The following VAV2 variants were observed in gnomAD, a reference collection of about 807,000 sequenced individuals.
VAV2 encodes the protein vav guanine nucleotide exchange factor 2, also known as guanine nucleotide exchange factor VAV2.
Under a neutral mutation model 132.5 loss-of-function variants are expected in VAV2, and 67 were observed. The observed-to-expected ratio is 0.51, with a 90% CI of 0.42 to 0.62. The LOEUF (loss-of-function observed/expected upper bound fraction) is 0.62, where lower values mean the gene tolerates loss of function less well. Among genes scored for constraint, VAV2 ranks in the 20% least tolerant of loss-of-function variants. The probability of loss-of-function intolerance (pLI) is 0.00; values close to 1 mark genes in which losing one functional copy is unlikely to be tolerated. For synonymous variants in VAV2, 492 were observed against 443.5 expected, an observed-to-expected ratio of 1.11 and a Z score of -1.37; for missense variants, 938 against 1,153.6, an observed-to-expected ratio of 0.81 and a Z score of 2.71.
intron 29 of VAV2, among the ~76,000 whole-genome samples, chr9:133,766,451 T>A (rs1833434447): frequency 6.6e-6 from 1 of 152,076 alleles, no homozygotes; most frequent in East Asian, 1.9e-4. Context: ...CCATAAAAAA[T>A]GATGAGTTCA....
intron 2 of VAV2, among the ~76,000 whole-genome samples, chr9:133,864,321 C>T (rs868564879): frequency 1.4e-4 from 21 of 152,334 alleles, no homozygotes; most frequent in African/African-American, 5.1e-4. Context: ...TGCTGGGGAG[C>T]CCACCTGCAC....
At chr9:133,974,339 GA>G (rs1299461542) in intron 1 of VAV2, among the ~76,000 whole-genome samples, 1 of 152,180 alleles carries the variant, frequency 6.6e-6, no homozygotes, top group Non-Finnish European at 1.5e-5. Context: ...GGTGGTCCCA[GA>G]ACGGCCCACA....
chr9:133,924,788 T>C (rs1031014724), intron 2 of VAV2, among the ~76,000 whole-genome samples: 3 of 152,258 alleles, frequency 2.0e-5, no homozygotes, highest in African/African-American at 7.2e-5. Context: ...ACCATGAATA[T>C]TCACAGGAGC....
chr9:133,937,725 C>T (rs1840978462), intron 2 of VAV2, among the ~76,000 whole-genome samples: 1 of 152,120 alleles, frequency 6.6e-6, no homozygotes, highest in Admixed American at 6.5e-5. Context: ...AAGAAACAGG[C>T]CCAGGCCATT....
chr9:133,918,350 G>A lies in VAV2; in HGVS notation c.321+20753C>T, dbSNP rs1464727899. On this transcript the variant is annotated intron_variant, in intron 2 of 29. Coordinates refer to ENST00000371850, the MANE Select transcript of VAV2 (RefSeq NM_001134398.2). The surrounding 1 kb of genome is among the most constrained non-coding windows in gnomAD (Gnocchi z 4.7). The stretch of plus-strand genomic sequence containing the variant: ...TCCGAGCCTTGTGTCTGCATTTCCC[G>A]CACTTTCATCTGCTGGTCCGGACCC... Among the ~76,000 whole-genome samples, 4 of 147,064 alleles carry A rather than the reference G, an allele frequency of 2.7e-5. No individual in the cohort carries two copies. Among genetic ancestry groups the A allele is most frequent in the Non-Finnish European group, 4.4e-5 (3 of 67,724 alleles).
Position 133,788,242 on chromosome 9 carries a change from C to CCCCCA in VAV2, c.1407+111_1407+112insTGGGG. The CCCCCA allele has an allele frequency of 8.6e-6, 10 of 1,165,374 alleles. No individual in the cohort carries two copies. The highest frequency in any genetic ancestry group is 1.2e-5 in the Non-Finnish European group (10 of 827,212). The allele number at this position is 1,165,374 out of a possible 1,614,324, so 72.2% of individuals were successfully genotyped here. A position where few individuals can be genotyped will look rare whatever the true frequency, so the allele number is the denominator to read the frequency against. On this transcript the variant is annotated intron_variant, in intron 15 of 29. Coordinates refer to ENST00000371850, the MANE Select transcript of VAV2 (RefSeq NM_001134398.2). The surrounding 1 kb of genome is among the most constrained non-coding windows in gnomAD (Gnocchi z 5.3). The stretch of plus-strand genomic sequence containing the variant: ...GAGACGCCCACCCCAACCCACCCGG[C>CCCCCA]CAGCATCAGCGGCTGACTTCGAGTC...
At chr9:133,960,872 C>G (rs1408083332) in intron 1 of VAV2, among the ~76,000 whole-genome samples, 4 of 152,202 alleles carry the variant, frequency 2.6e-5, no homozygotes, top group African/African-American at 9.6e-5. Context: ...CCAGGCTCCC[C>G]GGGGACAGAG....
In VAV2 at chr9:133,823,902, C is replaced by T. The variant is rs745661572; in HGVS notation, c.449+10370G>A. 1.3e-5 allele frequency among the ~76,000 whole-genome samples: 2 copies of T among 152,140 alleles called. No individual in the cohort carries two copies. Among genetic ancestry groups the T allele is most frequent in the East Asian group, 1.9e-4 (1 of 5,182 alleles). ...GAATGCGGAGCGGGCAGGGTGGTCA[C>T]GCGCACCTGCTCTGCGTGCGTCAGA... On this transcript the variant is annotated intron_variant, in intron 4 of 29. Transcript: ENST00000371850. The surrounding 1 kb of genome is among the most constrained non-coding windows in gnomAD (Gnocchi z 5.5).
chr9:133,842,518 A>G (rs905564045), intron 3 of VAV2, among the ~76,000 whole-genome samples: 1 of 152,034 alleles, frequency 6.6e-6, no homozygotes, highest in African/African-American at 2.4e-5. Flanking sequence ...ATTTCTTGGG[A>G]TGCGGGACTT....
Position 133,783,385 on chromosome 9 carries a change from C to G in VAV2, c.1723+118G>C, listed in dbSNP as rs931494104. On this transcript the variant is annotated intron_variant, in intron 19 of 29. Coordinates refer to ENST00000371850, the MANE Select transcript of VAV2 (RefSeq NM_001134398.2). ...CTCTGGGGCACGTGAGCACTGGTGC[C>G]CTCATCTGGTCGCTGCCCCGTGGGA... 83 of 931,978 alleles carry G rather than the reference C, an allele frequency of 8.9e-5. No homozygotes were observed. The East Asian group carries it at 2.0e-3, about 23-fold the overall frequency. The allele number at this position is 931,978 out of a possible 1,614,324, so 57.7% of individuals were successfully genotyped here. A position where few individuals can be genotyped will look rare whatever the true frequency, so the allele number is the denominator to read the frequency against.
At chr9:133,774,800 C>T (rs1833755989) in intron 25 of VAV2, 135 bp downstream of exon 25, 2 of 809,224 alleles carry the variant, frequency 2.5e-6, no homozygotes, top group Admixed American at 2.2e-5. Context: ...GCTTTCATCT[C>T]AATAATGTCC....
intron 2 of VAV2, among the ~76,000 whole-genome samples, chr9:133,931,701 G>C (rs576767229): frequency 3.5e-4 from 53 of 152,340 alleles, no homozygotes; most frequent in African/African-American, 1.0e-3. Context: ...CCGGTGCCCA[G>C]GAGGCTCTGA....
At chr9:133,803,156 C>T (rs772162691) in intron 9 of VAV2, among the ~76,000 whole-genome samples, 2 of 151,924 alleles carry the variant, frequency 1.3e-5, no homozygotes, top group Non-Finnish European at 1.5e-5. Flanking sequence ...TGCACCAAAG[C>T]GCTCACCTGT....
chr9:133,931,856 C>A (rs531614856), intron 2 of VAV2, among the ~76,000 whole-genome samples: 3 of 152,176 alleles, frequency 2.0e-5, no homozygotes. Context: ...GGGAGGACAG[C>A]GAGGGTTTGA....
In VAV2 at chr9:133,796,479, G is replaced by C. The variant is rs148077598; in HGVS notation, c.982C>G (p.Leu328Val). Residue 328 changes from leucine (L) to valine (V), a missense_variant, in exon 11 of 30, where the codon CTG becomes GTG. Physicochemically the swap from Leu to Val is conservative, Grantham distance 32. Transcript: ENST00000371850. ...VQDGKFKLQDLLVVPMQRVLK... is the reference protein window; with the variant it reads ...VQDGKFKLQDVLVVPMQRVLK... ...ACCCTCTGCATGGGGACCACCAGCA[G>C]GTCTTGCAGCTTAAATTTTCCATCC... The C allele has an allele frequency of 1.2e-6, 2 of 1,613,756 alleles. No homozygotes were observed. Among genetic ancestry groups the C allele is most frequent in the African/African-American group, 2.7e-5 (2 of 74,916 alleles).
intron 2 of VAV2, among the ~76,000 whole-genome samples, chr9:133,899,082 A>G (rs138243043): frequency 0.032 from 4,928 of 151,778 alleles, 94 homozygotes; most frequent in African/African-American, 0.034. Context: ...CGGCCTCCCA[A>G]AGTGCTGGGA....
intron 2 of VAV2, among the ~76,000 whole-genome samples, chr9:133,902,087 T>G (rs1237014335): frequency 1.3e-5 from 2 of 151,512 alleles, no homozygotes; most frequent in African/African-American, 4.9e-5. Context: ...TGACACAGTT[T>G]CGTCAGGACC....
chr9:133,807,435 G>A (rs904727820), intron 7 of VAV2, 109 bp from the exon 8 acceptor site: 3 of 1,111,720 alleles, frequency 2.7e-6, no homozygotes, highest in Non-Finnish European at 3.8e-6. Flanking sequence ...GCACTGGGGT[G>A]CTCCATGCTT....
rs1319866153 is a variant in VAV2, at chr9:133,884,968, T to C, written c.322-23536A>G. On this transcript the variant is annotated intron_variant, in intron 2 of 29. Transcript: ENST00000371850. This position sits in a 1 kb window ranked among gnomAD's most constrained non-coding sequence, Gnocchi z 5.3. Reference sequence around the variant, plus strand: ...CACCTGAGCCAGCCACAGTGACAGGTGGAGCCTAGATCATTCCAAAGACTC... The same window carrying C: ...CACCTGAGCCAGCCACAGTGACAGGCGGAGCCTAGATCATTCCAAAGACTC... Among the ~76,000 whole-genome samples, 1 of 151,828 alleles carries C rather than the reference T, an allele frequency of 6.6e-6. No individual in the cohort carries two copies. The highest frequency in any genetic ancestry group is 1.5e-5 in the Non-Finnish European group (1 of 67,950).
Sources: allele counts gnomAD v4.1 joint callset (sites outside exome capture counted in the v4.1 genomes callset), GRCh38; gene constraint gnomAD v4.1.1; non-coding constraint Gnocchi (gnomAD v3.1); transcripts MANE v1.5; gene names NCBI Gene and HGNC (gene_info 2026-07-23, HGNC 2026-07-21).